STAB2: variants seen among roughly 807,000 people sequenced by gnomAD.
The protein encoded by STAB2 is stabilin 2, also known as stabilin-2.
STAB2 carries 288 observed loss-of-function variants against 338.1 expected under a neutral mutation model. The ratio of observed to expected loss-of-function variants is 0.85; its 90% CI spans 0.77 to 0.94. The LOEUF is 0.94. Among genes scored for constraint, STAB2 ranks in the 40% least tolerant of loss-of-function variants. STAB2 has a pLI of 0.00. For missense variants in STAB2, 3,141 were observed against 3,210.1 expected (o/e 0.98, Z 0.52); for synonymous variants, 1,202 against 1,193.3 (o/e 1.01, Z -0.15).
intron 55 of STAB2, among the ~76,000 whole-genome samples, chr12:103,741,827 T>G (rs1351268424): frequency 7.2e-5 from 11 of 152,188 alleles, no homozygotes; most frequent in African/African-American, 1.2e-4. Context: ...GTCCCACTGG[T>G]CTGTCTTCAG....
chr12:103,655,734 C>T (rs751375710), intron 15 of STAB2, among the ~76,000 whole-genome samples, 153 bp downstream of exon 15: 2 of 152,116 alleles, frequency 1.3e-5, no homozygotes, highest in Non-Finnish European at 2.9e-5. Flanking sequence ...ACTAATCAAT[C>T]ACAACATTCT....
intron 57 of STAB2, among the ~76,000 whole-genome samples, chr12:103,746,008 A>G (rs1262702560): frequency 6.6e-6 from 1 of 152,174 alleles, no homozygotes; most frequent in Non-Finnish European, 1.5e-5. Flanking sequence ...CTGGGGTCAC[A>G]GGGCATGGCG....
At chr12:103,593,538 A>G (rs898461239) in intron 2 of STAB2, among the ~76,000 whole-genome samples, 1 of 152,202 alleles carries the variant, frequency 6.6e-6, no homozygotes, top group Non-Finnish European at 1.5e-5. Flanking sequence ...TTCGTGAAGA[A>G]GTGTCCCTGC....
chr12:103,623,472 A>G (rs1439482724), intron 5 of STAB2, among the ~76,000 whole-genome samples: 2 of 152,088 alleles, frequency 1.3e-5, no homozygotes, highest in African/African-American at 4.8e-5. Flanking sequence ...AAGGATGGAG[A>G]AGGGAGGCAG....
chr12:103,752,591 A>T (rs1303634236), intron 60 of STAB2, among the ~76,000 whole-genome samples: 2 of 152,216 alleles, frequency 1.3e-5, no homozygotes, highest in Non-Finnish European at 2.9e-5. Flanking sequence ...AAACTTTTTT[A>T]AAAAGCACAG....
chr12:103,747,649 T>A (rs1437190088), intron 58 of STAB2, among the ~76,000 whole-genome samples: 2 of 152,162 alleles, frequency 1.3e-5, no homozygotes, highest in African/African-American at 2.4e-5. Flanking sequence ...CTGGGAAATG[T>A]CGTCTTTTAT....
chr12:103,707,088 G>A (rs1007651184), intron 38 of STAB2, 101 bp downstream of exon 38: 113 of 1,349,498 alleles, frequency 8.4e-5, no homozygotes, highest in South Asian at 1.7e-4. Context: ...CTGGCCTGTC[G>A]CCCCAAGTGG....
rs759746273 is a variant in STAB2, at chr12:103,637,132, T to C, written c.605T>C (p.Leu202Ser). The C allele has an allele frequency of 1.3e-5, 21 of 1,612,554 alleles. No homozygotes were observed. Among genetic ancestry groups the C allele is most frequent in the African/African-American group, 2.7e-5 (2 of 74,872 alleles). ...GCAGCCATCCCTGAATGTGCAGCCT[T>C]GCTCTGCCCAGAAAATTCCAGATGT... The part of the protein sequence containing the change: ...CDKPIPECAA[L>S]LCPENSRCSP... Residue 202 changes from leucine to serine, a missense_variant, in exon 7 of 69, where the codon TTG becomes TCG. Leu to Ser is a moderately radical substitution (Grantham distance 145). Coordinates refer to ENST00000388887, the MANE Select transcript of STAB2 (RefSeq NM_017564.10).
chr12:103,695,966 C>T (rs541951358), intron 33 of STAB2, 122 bp downstream of exon 33: 11 of 911,500 alleles, frequency 1.2e-5, no homozygotes, highest in East Asian at 2.6e-5. Context: ...ACATACTTGA[C>T]GTAGACTGGT....
intron 34 of STAB2, among the ~76,000 whole-genome samples, chr12:103,702,769 C>G (rs952173328): frequency 2.0e-5 from 3 of 152,214 alleles, no homozygotes; most frequent in Admixed American, 6.5e-5. Context: ...CTGAGCAAGT[C>G]CATGGAGCCG....
chr12:103,699,006 T>C, intron 33 of STAB2, 90 bp from the exon 34 acceptor site: 1 of 1,470,902 alleles, frequency 6.8e-7, no homozygotes. Context: ...TTGTTCCTCT[T>C]TGTAATCTCC....
chr12:103,655,690 C>A, intron 15 of STAB2, 109 bp downstream of exon 15: 1 of 1,347,026 alleles, frequency 7.4e-7, no homozygotes, highest in Non-Finnish European at 1.0e-6. Flanking sequence ...GTACATGTAT[C>A]ACCACCTACC....
intron 67 of STAB2, among the ~76,000 whole-genome samples, chr12:103,762,945 A>T (rs1472215729): frequency 1.3e-5 from 2 of 152,212 alleles, no homozygotes; most frequent in African/African-American, 2.4e-5. Context: ...GCGGTTGAGC[A>T]TCTTTCCTTA....
At chr12:103,739,543 G>GTA in intron 54 of STAB2, 75 bp downstream of exon 54, 1 of 623,646 alleles carries the variant, frequency 1.6e-6, no homozygotes, top group Middle Eastern at 3.5e-4. Flanking sequence ...GTGTGTGTGT[G>GTA]TGTGTGTGTG....
rs1956728246 is a variant in STAB2, at chr12:103,587,517, T to C, written c.41T>C (p.Val14Ala). 1.2e-6 allele frequency: 2 copies of C among 1,613,968 alleles called. No individual in the cohort carries two copies. Among genetic ancestry groups the C allele is most frequent in the Non-Finnish European group, 8.5e-7 (1 of 1,179,974 alleles). The change falls in exon 1 of 69, where the codon GTT becomes GCT. Residue 14 changes from valine to alanine, a missense_variant. Val to Ala is a moderately conservative substitution (Grantham distance 64, BLOSUM62 0). Transcript: ENST00000388887. ...TTAGTAATTTTTTGTCTTGGATTGG[T>C]TGTACAAAATTTCTGCTCCCCAGCT... is the stretch of plus-strand genomic sequence containing the variant. ...QHLVIFCLGL[V>A]VQNFCSPAET...
At chr12:103,673,821 G>A in intron 22 of STAB2, 86 bp from the exon 23 acceptor site, 1 of 1,412,198 alleles carries the variant, frequency 7.1e-7, no homozygotes, top group Non-Finnish European at 9.6e-7. Context: ...GTGAGAAGAG[G>A]TGGTCCCTGT....
chr12:103,661,217 CAAAAAA>C (rs10548393), intron 17 of STAB2, among the ~76,000 whole-genome samples: 79 of 106,068 alleles, frequency 7.4e-4, no homozygotes, highest in Middle Eastern at 5.1e-3. Flanking sequence ...GAGTTCCAGA[CAAAAAA>C]AAAAAAAAAA....
intron 51 of STAB2, 122 bp downstream of exon 51, chr12:103,733,304 C>A: frequency 1.8e-6 from 2 of 1,134,934 alleles, no homozygotes; most frequent in Non-Finnish European, 2.6e-6. Flanking sequence ...ATGCAGGAAG[C>A]CACAGCATCC....
intron 17 of STAB2, among the ~76,000 whole-genome samples, chr12:103,661,902 G>T (rs1874654743): frequency 6.6e-6 from 1 of 152,094 alleles, no homozygotes; most frequent in Non-Finnish European, 1.5e-5. Flanking sequence ...GAGAGTGGGG[G>T]TCAGGTCATG....
Sources: allele counts gnomAD v4.1 joint callset (sites outside exome capture counted in the v4.1 genomes callset), GRCh38; gene constraint gnomAD v4.1.1; transcripts MANE v1.5; gene names NCBI Gene and HGNC (gene_info 2026-07-23, HGNC 2026-07-21).